Variants in JMY observed in about 807,000 individuals in gnomAD.
JMY encodes junction-mediating and -regulatory protein.
Under a neutral mutation model 103.3 loss-of-function variants are expected in JMY, and 46 were observed. The ratio of observed to expected loss-of-function variants is 0.45; its 90% CI spans 0.35 to 0.57. The LOEUF is 0.57. JMY is among the 20% of genes least tolerant of loss of function. The probability of loss-of-function intolerance (pLI) is 0.00; values close to 1 mark genes in which losing one functional copy is unlikely to be tolerated. For missense variants in JMY, 1,238 were observed against 1,255.2 expected (o/e 0.99, Z 0.21); for synonymous variants, 526 against 489.3 (o/e 1.07, Z -0.99).
intron 2 of JMY, chr5:79,284,365 A>T: frequency 2.3e-6 from 3 of 1,283,238 alleles, no homozygotes; most frequent in Non-Finnish European, 3.4e-6. Flanking sequence ...GAATCAATTT[A>T]TTGACCACTT....
chr5:79,304,570 C>T (rs1378801562), intron 6 of JMY, among the ~76,000 whole-genome samples: 1 of 152,134 alleles, frequency 6.6e-6, no homozygotes, highest in African/African-American at 2.4e-5. Flanking sequence ...TTAATTCTCC[C>T]AGTAGTCAAA....
intron 4 of JMY, among the ~76,000 whole-genome samples, chr5:79,296,761 A>C (rs1278559394): frequency 6.6e-6 from 1 of 152,256 alleles, no homozygotes; most frequent in African/African-American, 2.4e-5. Flanking sequence ...GTCCACAGGT[A>C]GCTCTTTTAA....
At chr5:79,265,082 T>C (rs1265455174) in intron 1 of JMY, among the ~76,000 whole-genome samples, 4 of 151,956 alleles carry the variant, frequency 2.6e-5, no homozygotes, top group African/African-American at 2.4e-5. Context: ...CCCGCCACCA[T>C]GCCTGGCTAA....
intron 8 of JMY, among the ~76,000 whole-genome samples, chr5:79,313,141 T>A (rs1218036942): frequency 6.6e-6 from 1 of 152,168 alleles, no homozygotes; most frequent in Non-Finnish European, 1.5e-5. Flanking sequence ...GGGAAAAGCC[T>A]TGTTATTAAG....
At chr5:79,262,213 C>T (rs1745447069) in intron 1 of JMY, among the ~76,000 whole-genome samples, 2 of 152,216 alleles carry the variant, frequency 1.3e-5, no homozygotes, top group African/African-American at 4.8e-5. Context: ...GCATCTTTCA[C>T]ATTTTAGGTG....
In JMY at chr5:79,324,854, C is replaced by T. The variant is rs1387701058; in HGVS notation, c.*3252C>T. On this transcript the variant is annotated 3_prime_UTR_variant, in exon 11 of 11. Coordinates refer to ENST00000396137, the MANE Select transcript of JMY (RefSeq NM_152405.5). ...TAGAAATGTAGAGCTTTTCTCATAA[C>T]ACAAAACCAGAAAATAATTTTCAGC... is the stretch of plus-strand genomic sequence containing the variant. The T allele has an allele frequency of 6.6e-6, 1 of 152,554 alleles. No homozygotes were observed. Among genetic ancestry groups the T allele is most frequent in the African/African-American group, 2.4e-5 (1 of 41,432 alleles). 9.5% of individuals were successfully genotyped at this position (152,554 alleles called of 1,614,324 possible). A position where few individuals can be genotyped will look rare whatever the true frequency, so the allele number is the denominator to read the frequency against.
chr5:79,265,399 T>A (rs368414368), intron 1 of JMY, among the ~76,000 whole-genome samples: 3 of 152,224 alleles, frequency 2.0e-5, no homozygotes, highest in Non-Finnish European at 4.4e-5. Flanking sequence ...TATACACTTA[T>A]CACTTGGCAG....
At chr5:79,261,816 G>C (rs1459818914) in intron 1 of JMY, among the ~76,000 whole-genome samples, 1 of 151,932 alleles carries the variant, frequency 6.6e-6, no homozygotes, top group Non-Finnish European at 1.5e-5. Context: ...GTAGAGACAG[G>C]GTTTCACCAT....
rs140688335 is a variant in JMY, at chr5:79,282,716, T to C, written c.1206+4633T>C. On this transcript the variant is annotated intron_variant, in intron 2 of 10. Transcript: ENST00000396137. ...ACTTAGTGCTTGTGCTTTAACCAGG[T>C]AATGTGGTATTGGCACTAACTTAAT... 3.3e-5 allele frequency among the ~76,000 whole-genome samples: 5 copies of C among 152,310 alleles called. No homozygotes were observed. The East Asian group carries it at 9.6e-4, about 29-fold the overall frequency.
chr5:79,291,082 T>C (rs958288257), intron 3 of JMY, 48 bp from the exon 4 acceptor site: 1 of 1,314,734 alleles, frequency 7.6e-7, no homozygotes, highest in Admixed American at 2.4e-5. Flanking sequence ...AATGCTTCAG[T>C]ATTAAGTTGT....
chr5:79,289,250 A>G (rs1158113075), intron 2 of JMY, among the ~76,000 whole-genome samples: 1 of 151,588 alleles, frequency 6.6e-6, no homozygotes, highest in Non-Finnish European at 1.5e-5. Flanking sequence ...AAAAAAAAAA[A>G]AAAGGAGAAT....
Position 79,326,887 on chromosome 5 carries a change from T to G in JMY, c.*5285T>G, listed in dbSNP as rs1025618166. 6.6e-6 allele frequency: 1 copy of G among 152,202 alleles called. No homozygotes were observed. Among genetic ancestry groups the G allele is most frequent in the Non-Finnish European group, 1.5e-5 (1 of 68,044 alleles). 9.4% of individuals were successfully genotyped at this position (152,202 alleles called of 1,614,324 possible). A position where few individuals can be genotyped will look rare whatever the true frequency, so the allele number is the denominator to read the frequency against. ...TTGTAAATGCCAACTCTTGCAAATT[T>G]ACAATACTTAAATATGTTCAATTAA... On this transcript the variant is annotated 3_prime_UTR_variant, in exon 11 of 11. Transcript: ENST00000396137.
chr5:79,244,514 A>G (rs549620874), intron 1 of JMY, among the ~76,000 whole-genome samples: 1 of 152,314 alleles, frequency 6.6e-6, no homozygotes, highest in East Asian at 1.9e-4. Context: ...AAATTCTCAC[A>G]TGTAATTTTA....
intron 10 of JMY, among the ~76,000 whole-genome samples, chr5:79,321,170 C>T (rs759992246): frequency 8.5e-5 from 13 of 152,122 alleles, no homozygotes; most frequent in African/African-American, 1.2e-4. Flanking sequence ...GCTTTGGGTA[C>T]GCCCCATAGA....
chr5:79,299,960 A>G (rs77726557), intron 4 of JMY, among the ~76,000 whole-genome samples, 193 bp from the exon 5 acceptor site: 2,714 of 149,816 alleles, frequency 0.018, 112 homozygotes, highest in African/African-American at 0.062. Flanking sequence ...ACCATATAAT[A>G]TGACTTGATT....
intron 4 of JMY, among the ~76,000 whole-genome samples, chr5:79,298,215 C>T (rs1367480518): frequency 6.6e-6 from 1 of 152,196 alleles, no homozygotes; most frequent in Non-Finnish European, 1.5e-5. Flanking sequence ...TGAACAATAT[C>T]ACTGGAAAGT....
rs923684830 is a variant in JMY, at chr5:79,285,958, G to A, written c.1207-4163G>A. Reference sequence around the variant, plus strand: ...CTAGTTTCGCTATCCTAGCTGACACGCGCTTTTTTTCCGTGTTAAAAACAG... The same window carrying A: ...CTAGTTTCGCTATCCTAGCTGACACACGCTTTTTTTCCGTGTTAAAAACAG... On this transcript the variant is annotated intron_variant, in intron 2 of 10. Coordinates refer to ENST00000396137, the MANE Select transcript of JMY (RefSeq NM_152405.5). 4.3e-4 allele frequency among the ~76,000 whole-genome samples: 31 copies of A among 72,812 alleles called. 1 individual carries two copies. The highest frequency in any genetic ancestry group is 1.0e-3 in the Admixed American group (9 of 8,958). The allele number at this position is 72,812 out of a possible 152,430, so 47.8% of individuals were successfully genotyped here. A position where few individuals can be genotyped will look rare whatever the true frequency, so the allele number is the denominator to read the frequency against.
chr5:79,281,018 G>A (rs1164441816), intron 2 of JMY, among the ~76,000 whole-genome samples: 4 of 150,582 alleles, frequency 2.7e-5, no homozygotes, highest in Non-Finnish European at 5.9e-5. Flanking sequence ...TAGAAAAAAA[G>A]AAAATAATTT....
At position 79,293,768 on chromosome 5, in the gene JMY, T is replaced by C. The variant is rs118031614; in HGVS notation, c.1527+2469T>C. ...CATCAAAACTGCTGAAAATACTGTG[T>C]TTTTAGCCCAATACCTGTGAAAGAA... On this transcript the variant is annotated intron_variant, in intron 4 of 10. Coordinates refer to ENST00000396137, the MANE Select transcript of JMY (RefSeq NM_152405.5). Among the ~76,000 whole-genome samples the C allele has an allele frequency of 8.9e-4, 136 of 152,310 alleles. No individual in the cohort carries two copies. The East Asian group carries it at 0.014, about 16-fold the overall frequency.
Sources: allele counts gnomAD v4.1 joint callset (sites outside exome capture counted in the v4.1 genomes callset), GRCh38; gene constraint gnomAD v4.1.1; transcripts MANE v1.5; gene names NCBI Gene and HGNC (gene_info 2026-07-23, HGNC 2026-07-21).